Variants in RNF38 observed in about 807,000 individuals in gnomAD.
RNF38 encodes the protein ring finger protein 38.
In RNF38, 15 loss-of-function variants were observed where a neutral mutation model predicts 67.2. The observed-to-expected ratio is 0.22, with a 90% CI of 0.15 to 0.34. The LOEUF is 0.34. Among genes scored for constraint, RNF38 ranks in the 10% least tolerant of loss-of-function variants. The pLI is 1.00. For synonymous variants in RNF38, 220 were observed against 218.8 expected (o/e 1.01, Z -0.05); for missense variants, 524 against 639.9 (o/e 0.82, Z 1.95).
chr9:36,462,817 G>T (rs1194871649), intron 1 of RNF38, among the ~76,000 whole-genome samples: 1 of 151,934 alleles, frequency 6.6e-6, no homozygotes, highest in Non-Finnish European at 1.5e-5. Flanking sequence ...TAGGACTACA[G>T]GCGGGCACCA....
chr9:36,355,292 C>G (rs1233026098), intron 6 of RNF38, among the ~76,000 whole-genome samples: 1 of 152,214 alleles, frequency 6.6e-6, no homozygotes, highest in Non-Finnish European at 1.5e-5. Context: ...TAGGTTATCT[C>G]TCCTGTTTCT....
At chr9:36,342,576 T>A in intron 10 of RNF38, 152 bp from the exon 11 acceptor site, 1 of 605,510 alleles carries the variant, frequency 1.7e-6, no homozygotes, top group East Asian at 2.8e-5. Context: ...AAAATTGTGA[T>A]GTTAAGGCAG....
At chr9:36,346,654 GA>G (rs1229182344) in intron 9 of RNF38, among the ~76,000 whole-genome samples, 1 of 151,466 alleles carries the variant, frequency 6.6e-6, no homozygotes, top group Non-Finnish European at 1.5e-5. Context: ...TGACAGATGA[GA>G]GAAACAGAAA....
chr9:36,400,892 ACGCCCCTCCCCGCCCCGCCG>A, upstream of RNF38: 7 of 928,432 alleles, frequency 7.5e-6, no homozygotes, highest in Non-Finnish European at 8.7e-6. Context: ...CGGCCCGGCC[ACGCCCCTCCCCGCCCCGCCG>A]CGCCCCGCCG....
At chr9:36,400,463 G>A (rs906598499), upstream of RNF38, 6 of 1,035,112 alleles carry the variant, frequency 5.8e-6, no homozygotes, top group Admixed American at 1.7e-4. Context: ...GCAAACCTTA[G>A]CCCAAGACTC....
At chr9:36,401,220 G>GGGCGGGGCTGCGCGC, upstream of RNF38, 7 of 982,680 alleles carry the variant, frequency 7.1e-6, no homozygotes, top group Non-Finnish European at 8.4e-6. Flanking sequence ...GGGCGGGGCG[G>GGGCGGGGCTGCGCGC]GGCTGCGCGC....
chr9:36,459,290 G>A (rs1266285047), intron 1 of RNF38, among the ~76,000 whole-genome samples: 1 of 152,064 alleles, frequency 6.6e-6, no homozygotes, highest in Non-Finnish European at 1.5e-5. Context: ...ATGTTCTGGG[G>A]GAATCTCTAG....
At chr9:36,355,972 G>C (rs1587490886) in intron 6 of RNF38, among the ~76,000 whole-genome samples, 1 of 152,030 alleles carries the variant, frequency 6.6e-6, no homozygotes, top group East Asian at 1.9e-4. Context: ...TCATCCTCCT[G>C]AGTAGCTGGA....
chr9:36,460,883 C>T (rs1402907488), intron 1 of RNF38, among the ~76,000 whole-genome samples: 2 of 80,712 alleles, frequency 2.5e-5, no homozygotes, highest in African/African-American at 1.1e-4. Flanking sequence ...GGGAAACTCT[C>T]TCAAAAAAAA....
chr9:36,372,300 A>T (rs1835445255), intron 3 of RNF38, among the ~76,000 whole-genome samples: 1 of 152,162 alleles, frequency 6.6e-6, no homozygotes, highest in Admixed American at 6.5e-5. Context: ...TGAGTACAAT[A>T]TCCCTCATCC....
chr9:36,351,379 T>C (rs1035851222), intron 8 of RNF38, among the ~76,000 whole-genome samples, 180 bp from the exon 9 acceptor site: 27 of 152,140 alleles, frequency 1.8e-4, no homozygotes, highest in African/African-American at 6.5e-4. Flanking sequence ...CTAGGATAAC[T>C]TAAAGGTGAA....
chr9:36,401,289 C>G (rs1476225185), upstream of RNF38: 1 of 949,408 alleles, frequency 1.1e-6, no homozygotes, highest in African/African-American at 1.8e-5. Context: ...AGCACCACTG[C>G]GCAGCCCCGC....
chr9:36,376,887 T>C (rs1047643133), intron 2 of RNF38, among the ~76,000 whole-genome samples: 6 of 136,182 alleles, frequency 4.4e-5, no homozygotes, highest in Admixed American at 1.7e-4. Context: ...GATCACGCCA[T>C]GGCACCCCAG....
chr9:36,354,423 G>T (rs779993976), intron 6 of RNF38, among the ~76,000 whole-genome samples: 1 of 152,096 alleles, frequency 6.6e-6, no homozygotes, highest in East Asian at 1.9e-4. Context: ...GGATGGTCTC[G>T]ATCTCCTGAC....
At chr9:36,377,902 G>A (rs1007898835) in intron 2 of RNF38, among the ~76,000 whole-genome samples, 4 of 151,508 alleles carry the variant, frequency 2.6e-5, no homozygotes, top group African/African-American at 9.7e-5. Context: ...TTTCCCATCC[G>A]TGGTTGGTTC....
intron 1 of RNF38, among the ~76,000 whole-genome samples, chr9:36,451,759 CA>C (rs1839454358): frequency 6.6e-6 from 1 of 151,486 alleles, no homozygotes; most frequent in African/African-American, 2.4e-5. Context: ...CTCGGCCTCC[CA>C]AAGTGCTGGG....
Position 36,442,298 on chromosome 9 carries a change from G to A in RNF38, n.242-17615C>T, listed in dbSNP as rs1482417134. 2.0e-5 allele frequency among the ~76,000 whole-genome samples: 3 copies of A among 152,096 alleles called. No homozygotes were observed. The East Asian group carries it at 5.8e-4, about 29-fold the overall frequency. The stretch of plus-strand genomic sequence containing the variant: ...ACTCAAGCCTCAAAAAAGCTAGATG[G>A]TATCATCTCCCCTATGAACTTTTAG... On this transcript the variant is annotated intron_variant and non_coding_transcript_variant, in intron 1 of 3. Coordinates refer to the RNF38 transcript ENST00000488058.
At chr9:36,461,716 T>C (rs141502614) in intron 1 of RNF38, among the ~76,000 whole-genome samples, 1,688 of 152,160 alleles carry the variant, frequency 0.011, 28 homozygotes, top group African/African-American at 0.038. Context: ...AGGACAAGAA[T>C]GTGGTGGGGA....
chr9:36,454,995 CA>C (rs1401134535), intron 1 of RNF38, among the ~76,000 whole-genome samples: 1 of 152,144 alleles, frequency 6.6e-6, no homozygotes, highest in African/African-American at 2.4e-5. Flanking sequence ...AAATCAAACT[CA>C]TCAGTATTCA....
Sources: gnomAD v4.1 joint callset for allele counts (sites outside exome capture counted in the v4.1 genomes callset) on GRCh38, gnomAD v4.1.1 for gene constraint, MANE v1.5 for transcripts, NCBI Gene and HGNC (gene_info 2026-07-23, HGNC 2026-07-21) for gene names.